SDK1: variants seen among roughly 807,000 people sequenced by gnomAD.
The protein encoded by SDK1 is sidekick cell adhesion molecule 1.
Under a neutral mutation model 245.5 loss-of-function variants are expected in SDK1, and 157 were observed. The ratio of observed to expected loss-of-function variants is 0.64; its 90% CI spans 0.56 to 0.73. The LOEUF (loss-of-function observed/expected upper bound fraction) is 0.73, where lower values mean the gene tolerates loss of function less well. SDK1 is among the 30% of genes least tolerant of loss of function. The probability of loss-of-function intolerance (pLI) is 0.00; values close to 1 mark genes in which losing one functional copy is unlikely to be tolerated. For synonymous variants in SDK1, 1,647 were observed against 1,278.5 expected, an observed-to-expected ratio of 1.29 and a Z score of -6.15; for missense variants, 3,583 against 3,002.3, an observed-to-expected ratio of 1.19 and a Z score of -4.52.
chr7:4,237,724 C>T lies in SDK1; in HGVS notation c.6070C>T (p.Leu2024=), dbSNP rs368604350. The T allele has an allele frequency of 8.7e-6, 14 of 1,614,160 alleles. No individual in the cohort carries two copies. Among genetic ancestry groups the T allele is most frequent in the Non-Finnish European group, 1.1e-5 (13 of 1,180,022 alleles). The change falls in exon 42 of 45, where the codon CTG becomes TTG. Residue 2024 remains leucine (L), a synonymous_variant. Coordinates refer to ENST00000404826, the MANE Select transcript of SDK1 (RefSeq NM_152744.4). ...MALSSLIVIL[L]VVFALVLHGQ... ...TCTGTCCAGCCTGATCGTCATCCTG[C>T]TGGTGGTGTTCGCCCTCGTCCTGCA...
rs928657371 is a variant in SDK1 at position 3,584,561 on chromosome 7, G to C, written c.299-34519G>C. On this transcript the variant is annotated intron_variant, in intron 1 of 44. Coordinates refer to ENST00000404826, the MANE Select transcript of SDK1 (RefSeq NM_152744.4). The stretch of plus-strand genomic sequence containing the variant: ...TCAATGGGAACCAGGAAGGATCCTG[G>C]CCAGGTGCTTTCCCATTCTTTGTTG... Among the ~76,000 whole-genome samples the C allele has an allele frequency of 1.2e-4, 19 of 152,056 alleles. 1 individual carries two copies. The highest frequency in any genetic ancestry group is 2.9e-5 in the Non-Finnish European group (2 of 68,008).
chr7:4,204,224 G>A (rs1784062772), intron 35 of SDK1, among the ~76,000 whole-genome samples: 1 of 152,236 alleles, frequency 6.6e-6, no homozygotes, highest in Non-Finnish European at 1.5e-5. Flanking sequence ...ACATGCAAAA[G>A]ACATTAACTT....
chr7:3,752,255 A>T (rs1010933585), intron 4 of SDK1, among the ~76,000 whole-genome samples: 12 of 152,120 alleles, frequency 7.9e-5, no homozygotes, highest in Admixed American at 5.9e-4. Context: ...TGGATCAATT[A>T]TTTGTATCTT....
chr7:3,366,596 G>C (rs149085965), intron 1 of SDK1, among the ~76,000 whole-genome samples: 87 of 152,226 alleles, frequency 5.7e-4, no homozygotes, highest in African/African-American at 2.1e-3. Flanking sequence ...GGTGAGAAGT[G>C]CTATTTCAGT....
chr7:3,979,556 T>A (rs1161213803), intron 13 of SDK1, among the ~76,000 whole-genome samples: 1 of 152,116 alleles, frequency 6.6e-6, no homozygotes, highest in Non-Finnish European at 1.5e-5. Flanking sequence ...TGAGACGGTG[T>A]CTTTTGCCCT....
chr7:3,975,421 C>T (rs890154075), intron 13 of SDK1, among the ~76,000 whole-genome samples: 2 of 152,162 alleles, frequency 1.3e-5, no homozygotes, highest in Admixed American at 6.5e-5. Context: ...GATTTTTCCT[C>T]ACTGGACCCT....
intron 4 of SDK1, among the ~76,000 whole-genome samples, chr7:3,777,825 T>G (rs1780610709): frequency 6.6e-6 from 1 of 152,210 alleles, no homozygotes; most frequent in Admixed American, 6.5e-5. Flanking sequence ...CTTAGAGACT[T>G]TACAGAAAGT....
At chr7:4,259,269 T>C in intron 44 of SDK1, among the ~76,000 whole-genome samples, 1 of 152,068 alleles carries the variant, frequency 6.6e-6, no homozygotes, top group Admixed American at 6.6e-5. Flanking sequence ...TGAAACCCCA[T>C]CTCTACTAAA....
At chr7:4,146,377 G>C (rs1370889019) in intron 29 of SDK1, among the ~76,000 whole-genome samples, 2 of 148,944 alleles carry the variant, frequency 1.3e-5, no homozygotes, top group African/African-American at 5.0e-5. Context: ...CCTCACACCT[G>C]CTCTCTCAGA....
At chr7:3,446,724 C>T (rs1780353341) in intron 1 of SDK1, among the ~76,000 whole-genome samples, 1 of 151,930 alleles carries the variant, frequency 6.6e-6, no homozygotes, top group Non-Finnish European at 1.5e-5. Context: ...GAATTCAATC[C>T]CTAACAAATA....
At chr7:3,999,323 A>T (rs1366091557) in intron 14 of SDK1, among the ~76,000 whole-genome samples, 1 of 152,222 alleles carries the variant, frequency 6.6e-6, no homozygotes, top group East Asian at 1.9e-4. Context: ...ACACCAGGAG[A>T]TACCAGGAAG....
At chr7:4,229,902 C>T (rs1345620909) in intron 40 of SDK1, among the ~76,000 whole-genome samples, 1 of 151,670 alleles carries the variant, frequency 6.6e-6, no homozygotes, top group Non-Finnish European at 1.5e-5. Context: ...TATTGAAAGC[C>T]TGCTGTACTA....
intron 1 of SDK1, among the ~76,000 whole-genome samples, chr7:3,349,907 G>A (rs921285342): frequency 6.6e-6 from 1 of 152,144 alleles, no homozygotes; most frequent in Non-Finnish European, 1.5e-5. Context: ...CGGCCTAAGA[G>A]TACATGTATC....
chr7:3,344,033 AAAAC>A (rs1453179621), intron 1 of SDK1, among the ~76,000 whole-genome samples: 1 of 151,258 alleles, frequency 6.6e-6, no homozygotes, highest in African/African-American at 2.5e-5. Flanking sequence ...AAAAAAAAAA[AAAAC>A]TAGAAATGCA....
At position 3,678,267 on chromosome 7, in the gene SDK1, G is replaced by T. The variant is rs547227984; in HGVS notation, c.713+36162G>T. On this transcript the variant is annotated intron_variant, in intron 4 of 44. Coordinates refer to ENST00000404826, the MANE Select transcript of SDK1 (RefSeq NM_152744.4). ...ACAATTAACAGCAATTTCACATCTA[G>T]GTATATACCCCAAATAATTGAAAGC... Among the ~76,000 whole-genome samples, 41 of 152,186 alleles carry T rather than the reference G, an allele frequency of 2.7e-4. 1 individual carries two copies. The South Asian group carries it at 6.7e-3, about 25-fold the overall frequency.
intron 4 of SDK1, among the ~76,000 whole-genome samples, chr7:3,772,144 A>G (rs796417561): frequency 3.9e-5 from 6 of 152,046 alleles, no homozygotes; most frequent in African/African-American, 7.2e-5. Context: ...TCATGTTGCT[A>G]TTCTTTTTCC....
At chr7:3,502,492 C>A (rs1315037326) in intron 1 of SDK1, among the ~76,000 whole-genome samples, 2 of 152,080 alleles carry the variant, frequency 1.3e-5, no homozygotes, top group African/African-American at 2.4e-5. Flanking sequence ...TCAGGTGATC[C>A]ACCGCCTTGG....
At chr7:4,078,215 G>T (rs1414215604) in intron 21 of SDK1, among the ~76,000 whole-genome samples, 1 of 152,176 alleles carries the variant, frequency 6.6e-6, no homozygotes, top group African/African-American at 2.4e-5. Flanking sequence ...TGTAGCTGGA[G>T]AGGGGTCTTA....
chr7:3,486,055 T>C (rs1209987205), intron 1 of SDK1, among the ~76,000 whole-genome samples: 1 of 152,082 alleles, frequency 6.6e-6, no homozygotes, highest in African/African-American at 2.4e-5. Context: ...GAAAAACTCT[T>C]CATTAAAATC....
Sources: gnomAD v4.1 joint callset for allele counts (sites outside exome capture counted in the v4.1 genomes callset) on GRCh38, gnomAD v4.1.1 for gene constraint, MANE v1.5 for transcripts, NCBI Gene and HGNC (gene_info 2026-07-23, HGNC 2026-07-21) for gene names.